Variants in ZC4H2 observed in about 807,000 individuals in gnomAD.
ZC4H2 encodes zinc finger C4H2-type containing, also known as zinc finger C4H2 domain-containing protein.
For missense variants in ZC4H2, 137 were observed against 173.9 expected, an observed-to-expected ratio of 0.79 and a Z score of 1.19; for synonymous variants, 84 against 66.3, an observed-to-expected ratio of 1.27 and a Z score of -1.30.
chrX:65,002,397 C>CG (rs1182164519), intron 1 of ZC4H2, among the ~76,000 whole-genome samples: 5 of 104,686 alleles, frequency 4.8e-5, no homozygotes, highest in East Asian at 3.2e-4. Context: ...GGGAGGGAGG[C>CG]GGGGGGTCAG....
upstream of ZC4H2, among the ~76,000 whole-genome samples, chrX:64,978,454 C>T (rs1251932181): frequency 8.9e-6 from 1 of 112,036 alleles, no homozygotes; most frequent in African/African-American, 3.2e-5. Context: ...GAGCCAAGAA[C>T]TGGCCCCAGC....
chrX:64,969,936 G>T (rs1200687817), intron 1 of ZC4H2, among the ~76,000 whole-genome samples: 1 of 111,818 alleles, frequency 8.9e-6, no homozygotes, highest in Non-Finnish European at 1.9e-5. Context: ...ATGCAAGGGT[G>T]TAAGTTAAAT....
At chrX:64,972,173 T>G (rs757063363) in intron 1 of ZC4H2, among the ~76,000 whole-genome samples, 84 of 111,606 alleles carry the variant, frequency 7.5e-4, no homozygotes, top group Non-Finnish European at 1.3e-3. Flanking sequence ...AGTGTAGGAT[T>G]TGGAGGCTGA....
At chrX:64,991,067 G>A (rs903535563) in intron 1 of ZC4H2, among the ~76,000 whole-genome samples, 2 of 111,893 alleles carry the variant, frequency 1.8e-5, no homozygotes, top group Non-Finnish European at 3.8e-5. Context: ...GTGGGACCTT[G>A]GACAAGGCAC....
intron 1 of ZC4H2, among the ~76,000 whole-genome samples, chrX:64,966,589 A>G (rs886917753): frequency 8.9e-6 from 1 of 112,394 alleles, no homozygotes; most frequent in Non-Finnish European, 1.9e-5. Context: ...AAAATGTGCG[A>G]TATCCATGCA....
At chrX:64,953,992 A>C (rs962626132) in intron 1 of ZC4H2, among the ~76,000 whole-genome samples, 6 of 110,232 alleles carry the variant, frequency 5.4e-5, no homozygotes, top group African/African-American at 2.0e-4. Context: ...GCAGCCATAA[A>C]AAATGATGAG....
intron 1 of ZC4H2, among the ~76,000 whole-genome samples, chrX:64,948,626 T>C (rs1320265287): frequency 8.9e-6 from 1 of 112,127 alleles, no homozygotes; most frequent in East Asian, 2.8e-4. Flanking sequence ...TGTACTTCTG[T>C]CTGATTTCCT....
At chrX:64,928,977 C>A (rs563946439) in intron 1 of ZC4H2, among the ~76,000 whole-genome samples, 1 of 106,288 alleles carries the variant, frequency 9.4e-6, no homozygotes, top group Admixed American at 1.0e-4. Context: ...CAACCTCCAC[C>A]TCTCAGGCTC....
intron 1 of ZC4H2, among the ~76,000 whole-genome samples, chrX:64,950,286 A>G (rs147297454): frequency 0.083 from 9,282 of 111,357 alleles, 1,036 homozygotes; most frequent in African/African-American, 0.29. Flanking sequence ...TCAATTTTGG[A>G]ATAAGTGCGG....
At chrX:64,947,857 T>G (rs1375211887) in intron 1 of ZC4H2, among the ~76,000 whole-genome samples, 1 of 110,703 alleles carries the variant, frequency 9.0e-6, no homozygotes, top group Admixed American at 9.6e-5. Context: ...TTTTTTTTTT[T>G]TTGTTTATAA....
rs926924762 is a variant in ZC4H2, at chrX:64,933,818, G to C, written c.54-11830C>G. On this transcript the variant is annotated intron_variant, in intron 1 of 4. Transcript: ENST00000374839. ...ATTTTCCCCCATTTTTATACTTGCT[G>C]AGTTGATGATTCAGGCTTCAGGTCA... 1.8e-5 allele frequency among the ~76,000 whole-genome samples: 2 copies of C among 111,446 alleles called. 1 individual carries two copies. Among genetic ancestry groups the C allele is most frequent in the African/African-American group, 6.5e-5 (2 of 30,587 alleles).
At chrX:64,935,177 G>A (rs1233995250) in intron 1 of ZC4H2, among the ~76,000 whole-genome samples, 1 of 111,486 alleles carries the variant, frequency 9.0e-6, no homozygotes, top group Non-Finnish European at 1.9e-5. Context: ...GCTTGAGTAG[G>A]CAGTTTTCCC....
chrX:64,994,061 T>TA (rs1401487312), intron 1 of ZC4H2, among the ~76,000 whole-genome samples: 2 of 112,305 alleles, frequency 1.8e-5, no homozygotes, highest in African/African-American at 3.2e-5. Flanking sequence ...TGTCTCCACT[T>TA]AAAAAAATGC....
intron 1 of ZC4H2, 94 bp downstream of exon 1, chrX:64,976,231 C>T: frequency 4.9e-6 from 5 of 1,028,855 alleles, no homozygotes; most frequent in Non-Finnish European, 6.8e-6. Context: ...CCCTTTCCAG[C>T]TCCTCTAGAC....
intron 1 of ZC4H2, among the ~76,000 whole-genome samples, chrX:64,946,326 C>A (rs186888010): frequency 1.8e-5 from 2 of 110,978 alleles, no homozygotes; most frequent in East Asian, 5.7e-4. Flanking sequence ...AGCACAGCCT[C>A]ACAGCTTCCC....
chrX:64,951,650 T>G (rs1458869301), intron 1 of ZC4H2, among the ~76,000 whole-genome samples: 5 of 111,703 alleles, frequency 4.5e-5, no homozygotes, highest in African/African-American at 1.6e-4. Flanking sequence ...ATGGGGTTGT[T>G]TGTTTTTTCT....
upstream of ZC4H2, among the ~76,000 whole-genome samples, chrX:64,979,072 G>A (rs1486604921): frequency 1.8e-5 from 2 of 111,774 alleles, no homozygotes; most frequent in African/African-American, 6.5e-5. Context: ...GAACTATCTT[G>A]TCTTTCAAGC....
chrX:65,012,315 T>A (rs1474400841), intron 1 of ZC4H2, among the ~76,000 whole-genome samples: 1 of 106,088 alleles, frequency 9.4e-6, no homozygotes, highest in African/African-American at 3.4e-5. Context: ...TTAATTGCAA[T>A]CTTTAAGTCA....
intron 1 of ZC4H2, among the ~76,000 whole-genome samples, chrX:64,946,464 C>T (rs1930538320): frequency 1.8e-5 from 2 of 109,878 alleles, no homozygotes; most frequent in Non-Finnish European, 3.8e-5. Flanking sequence ...GAACCGGGTA[C>T]CTCAGTTGGA....
Sources: gnomAD v4.1 joint callset for allele counts (sites outside exome capture counted in the v4.1 genomes callset) on GRCh38, gnomAD v4.1.1 for gene constraint, MANE v1.5 for transcripts, NCBI Gene and HGNC (gene_info 2026-07-23, HGNC 2026-07-21) for gene names.